CELF5: variants seen among roughly 807,000 people sequenced by gnomAD.
The protein encoded by CELF5 is CUG-BP and ETR-3 like factor 5.
In CELF5, 6 loss-of-function variants were observed where a neutral mutation model predicts 54.9. The ratio of observed to expected loss-of-function variants is 0.11; its 90% CI spans 0.06 to 0.22. The LOEUF (loss-of-function observed/expected upper bound fraction) is 0.22, where lower values mean the gene tolerates loss of function less well. Among genes scored for constraint, CELF5 ranks in the 10% least tolerant of loss-of-function variants. The pLI is 1.00. For synonymous variants in CELF5, 271 were observed against 290.9 expected (o/e 0.93, Z 0.70); for missense variants, 401 against 678.6 (o/e 0.59, Z 4.54).
Position 3,278,593 on chromosome 19 carries a change from T to C in CELF5, c.603+483T>C, listed in dbSNP as rs1328558466. ...ATGAGAGTGTACATGTGTGTTTCTA[T>C]GTGTGTGAGCGTGTGTGTGAGTATG... is the stretch of plus-strand genomic sequence containing the variant. On this transcript the variant is annotated intron_variant, in intron 5 of 12. Coordinates refer to ENST00000292672, the MANE Select transcript of CELF5 (RefSeq NM_021938.4). This position sits in a 1 kb window ranked among gnomAD's most constrained non-coding sequence, Gnocchi z 4.5. Among the ~76,000 whole-genome samples the C allele has an allele frequency of 6.6e-6, 1 of 151,992 alleles. No individual in the cohort carries two copies. Among genetic ancestry groups the C allele is most frequent in the African/African-American group, 2.4e-5 (1 of 41,366 alleles).
At chr19:3,296,350 A>AC (rs2080446239) in intron 12 of CELF5, 1 of 148,980 alleles carries the variant, frequency 6.7e-6, no homozygotes, top group Non-Finnish European at 1.5e-5. Context: ...AAAAAAAAAA[A>AC]AAAAACCAAG....
At chr19:3,293,646 T>G (rs1346383785) in intron 12 of CELF5, 160 bp downstream of exon 12, 2 of 616,718 alleles carry the variant, frequency 3.2e-6, no homozygotes, top group Non-Finnish European at 5.6e-6. Flanking sequence ...GAGCTGGATG[T>G]AGACACCCCC....
chr19:3,295,232 G>A (rs907162498), intron 12 of CELF5: 1 of 151,692 alleles, frequency 6.6e-6, no homozygotes, highest in Non-Finnish European at 1.5e-5. Flanking sequence ...GGGCGGGGGT[G>A]GGGGAGGCTC....
At chr19:3,264,424 T>G (rs955635428) in intron 2 of CELF5, among the ~76,000 whole-genome samples, 1 of 151,810 alleles carries the variant, frequency 6.6e-6, no homozygotes, top group Admixed American at 6.6e-5. Flanking sequence ...TCTTTCTTTT[T>G]TTTTTTTAAG....
At chr19:3,231,961 A>C (rs1917288273) in intron 1 of CELF5, among the ~76,000 whole-genome samples, 1 of 147,474 alleles carries the variant, frequency 6.8e-6, no homozygotes, top group African/African-American at 2.5e-5. Context: ...GGTGGATGGA[A>C]TACTAGATAG....
In CELF5 at chr19:3,268,433, C is replaced by T. The variant is rs1023061391; in HGVS notation, c.343-5439C>T. Among the ~76,000 whole-genome samples, 1 of 152,116 alleles carries T rather than the reference C, an allele frequency of 6.6e-6. No individual in the cohort carries two copies. Among genetic ancestry groups the T allele is most frequent in the African/African-American group, 2.4e-5 (1 of 41,428 alleles). ...ATAAATGAATGAACCATCCTGGGCACGTCAAGCTGCGAGACTCGGGGCGTC... is the reference window on the plus strand; with the variant it reads ...ATAAATGAATGAACCATCCTGGGCATGTCAAGCTGCGAGACTCGGGGCGTC... On this transcript the variant is annotated intron_variant, in intron 2 of 12. Transcript: ENST00000292672. The surrounding 1 kb of genome is among the most constrained non-coding windows in gnomAD (Gnocchi z 4.4).
intron 1 of CELF5, among the ~76,000 whole-genome samples, chr19:3,250,053 G>C (rs2079626594): frequency 6.6e-6 from 1 of 152,148 alleles, no homozygotes; most frequent in African/African-American, 2.4e-5. Context: ...GTGTGTGCAG[G>C]GGTGGAACGG....
intron 1 of CELF5, among the ~76,000 whole-genome samples, chr19:3,245,602 T>C (rs2079556382): frequency 6.7e-6 from 1 of 148,760 alleles, no homozygotes; most frequent in Non-Finnish European, 1.5e-5. Flanking sequence ...AGGAAGAAGG[T>C]TTTTTACCCT....
intron 10 of CELF5, among the ~76,000 whole-genome samples, chr19:3,287,007 C>G (rs370861677): frequency 6.8e-6 from 1 of 146,140 alleles, no homozygotes; most frequent in Non-Finnish European, 1.5e-5. Flanking sequence ...TGCACTCCAG[C>G]CTGGGCGACA....
chr19:3,291,585 A>AAG (rs1469420435), intron 11 of CELF5, among the ~76,000 whole-genome samples: 1 of 151,462 alleles, frequency 6.6e-6, no homozygotes, highest in Non-Finnish European at 1.5e-5. Context: ...AAAAAAAAAA[A>AAG]AAAAGAACTG....
In CELF5 at chr19:3,282,593, G is replaced by C; in HGVS notation, c.1039+95G>C. The C allele has an allele frequency of 7.3e-7, 1 of 1,375,026 alleles. No homozygotes were observed. The highest frequency in any genetic ancestry group is 9.9e-7 in the Non-Finnish European group (1 of 1,014,336). The allele number at this position is 1,375,026 out of a possible 1,614,324, so 85.2% of individuals were successfully genotyped here. A position where few individuals can be genotyped will look rare whatever the true frequency, so the allele number is the denominator to read the frequency against. ...ATGAGTCCCTACATCACAGTGCCCA[G>C]GGAACAGAAGGGCAGGAAAAAGGGT... On this transcript the variant is annotated intron_variant, in intron 8 of 12. Transcript: ENST00000292672. The surrounding 1 kb of genome is among the most constrained non-coding windows in gnomAD (Gnocchi z 5.2).
At chr19:3,296,322 C>A (rs1228021980) in intron 12 of CELF5, 5 of 31,502 alleles carry the variant, frequency 1.6e-4, no homozygotes, top group Non-Finnish European at 2.3e-4. Flanking sequence ...AAGAAAAAAA[C>A]ATTTAAAAAG....
intron 1 of CELF5, among the ~76,000 whole-genome samples, chr19:3,247,758 G>A (rs919534814): frequency 3.3e-5 from 5 of 151,746 alleles, no homozygotes; most frequent in South Asian, 4.2e-4. Flanking sequence ...GAAATGTACC[G>A]TTAAAAAATT....
chr19:3,296,347 A>AC (rs1303273661), intron 12 of CELF5: 2 of 149,102 alleles, frequency 1.3e-5, no homozygotes, highest in East Asian at 2.0e-4. Flanking sequence ...AAAAAAAAAA[A>AC]AAAAAAAACC....
At chr19:3,226,519 G>T (rs1054697303) in intron 1 of CELF5, among the ~76,000 whole-genome samples, 2 of 149,432 alleles carry the variant, frequency 1.3e-5, no homozygotes, top group Admixed American at 6.6e-5. Flanking sequence ...TGGCCTAGGA[G>T]GGCAGAGGGG....
rs1366965187 is a variant in CELF5 at position 3,228,838 on chromosome 19, C to T, written c.259+3840C>T. Among the ~76,000 whole-genome samples, 5 of 136,802 alleles carry T rather than the reference C, an allele frequency of 3.7e-5. No individual in the cohort carries two copies. Among genetic ancestry groups the T allele is most frequent in the African/African-American group, 8.4e-5 (3 of 35,822 alleles). 89.7% of individuals were successfully genotyped at this position (136,802 alleles called of 152,430 possible). A position where few individuals can be genotyped will look rare whatever the true frequency, so the allele number is the denominator to read the frequency against. On this transcript the variant is annotated intron_variant, in intron 1 of 12. Transcript: ENST00000292672. This position sits in a 1 kb window ranked among gnomAD's most constrained non-coding sequence, Gnocchi z 6.0. ...GCACCCCTGGTGGTGGCGGGGACAG[C>T]GGCAGGGGGCTGGGGGTGGCTGGCA...
At chr19:3,234,012 A>G (rs1044672705) in intron 1 of CELF5, among the ~76,000 whole-genome samples, 2 of 152,162 alleles carry the variant, frequency 1.3e-5, no homozygotes, top group Non-Finnish European at 2.9e-5. Flanking sequence ...GTGCCCTCCC[A>G]TTCTCCCAGC....
At chr19:3,245,251 T>C (rs1176582028) in intron 1 of CELF5, among the ~76,000 whole-genome samples, 2 of 149,518 alleles carry the variant, frequency 1.3e-5, no homozygotes, top group Non-Finnish European at 3.0e-5. Flanking sequence ...TGTGCGTGTG[T>C]ATGTGGTGTG....
intron 1 of CELF5, among the ~76,000 whole-genome samples, chr19:3,237,051 G>C (rs867090748): frequency 6.7e-6 from 1 of 148,802 alleles, no homozygotes; most frequent in East Asian, 2.0e-4. Flanking sequence ...GGTGGCTCAC[G>C]CCTGTAATCC....
Sources: gnomAD v4.1 joint callset for allele counts (sites outside exome capture counted in the v4.1 genomes callset) on GRCh38, gnomAD v4.1.1 for gene constraint, Gnocchi (gnomAD v3.1) non-coding constraint, MANE v1.5 for transcripts, NCBI Gene and HGNC (gene_info 2026-07-23, HGNC 2026-07-21) for gene names.